Variants in ANK3 observed in about 807,000 individuals in gnomAD.
ANK3 encodes ankyrin-3.
A neutral mutation model predicts 370.9 loss-of-function variants in ANK3; 57 were observed. The ratio of observed to expected loss-of-function variants is 0.15; its 90% CI spans 0.12 to 0.19. The LOEUF (loss-of-function observed/expected upper bound fraction) is 0.19, where lower values mean the gene tolerates loss of function less well. Ranked by LOEUF, ANK3 falls within the 10% of genes least tolerant of loss-of-function variation. The pLI, the probability that ANK3 is intolerant of heterozygous loss-of-function variation, is 1.00. For synonymous variants in ANK3, 1,929 were observed against 1,946.3 expected, an observed-to-expected ratio of 0.99 and a Z score of 0.23; for missense variants, 4,439 against 5,302.1, an observed-to-expected ratio of 0.84 and a Z score of 5.06.
chr10:60,394,945 A>C (rs2063185557), intron 2 of ANK3, among the ~76,000 whole-genome samples: 1 of 152,212 alleles, frequency 6.6e-6, no homozygotes, highest in South Asian at 2.1e-4. Context: ...AGCAGAGTTT[A>C]TATATAATCT....
At chr10:60,524,173 G>GA (rs527829427) in intron 2 of ANK3, among the ~76,000 whole-genome samples, 63 of 152,174 alleles carry the variant, frequency 4.1e-4, no homozygotes, top group African/African-American at 1.5e-3. Flanking sequence ...CTGATAATAA[G>GA]AATCTCCTGG....
intron 1 of ANK3, among the ~76,000 whole-genome samples, chr10:60,715,049 G>T (rs1341633621): frequency 6.6e-6 from 1 of 152,094 alleles, no homozygotes; most frequent in African/African-American, 2.4e-5. Flanking sequence ...TACCCAAGGT[G>T]TTATTAACAG....
intron 1 of ANK3, among the ~76,000 whole-genome samples, chr10:60,352,752 G>A (rs570780613): frequency 1.2e-4 from 19 of 152,254 alleles, no homozygotes; most frequent in African/African-American, 4.6e-4. Flanking sequence ...TGTAAGTGTT[G>A]AGCCATTTAC....
At chr10:60,684,808 T>C (rs1414841746) in intron 1 of ANK3, 13 of 1,536,208 alleles carry the variant, frequency 8.5e-6, no homozygotes, top group Admixed American at 1.7e-5. Flanking sequence ...TCTTATGGAC[T>C]CTGTTGATAT....
intron 7 of ANK3, among the ~76,000 whole-genome samples, chr10:60,252,402 A>C (rs2097682523): frequency 6.6e-6 from 1 of 152,168 alleles, no homozygotes; most frequent in Non-Finnish European, 1.5e-5. Flanking sequence ...ATTTTCACTG[A>C]ATGGGGGAAA....
At chr10:60,498,551 G>T (rs998741124) in intron 2 of ANK3, among the ~76,000 whole-genome samples, 4 of 152,070 alleles carry the variant, frequency 2.6e-5, no homozygotes, top group Non-Finnish European at 5.9e-5. Flanking sequence ...ACCATACCTG[G>T]CTAATTATTT....
At chr10:60,461,021 T>G (rs2064870487) in intron 2 of ANK3, among the ~76,000 whole-genome samples, 2 of 152,194 alleles carry the variant, frequency 1.3e-5, no homozygotes, top group African/African-American at 4.8e-5. Context: ...GAAGCAGGGA[T>G]GCAATTTAAG....
Position 60,074,822 on chromosome 10 carries a change from G to A in ANK3, c.6059C>T (p.Ala2020Val). The change falls in exon 37 of 44, where the codon GCA (alanine) becomes GTA (valine). Residue 2020 changes from alanine (A) to valine (V), a missense_variant. This residue lies in a region of ANK3 where 679 missense variants were observed against 791.0 expected (regional missense o/e 0.86). Coordinates refer to ENST00000280772, the MANE Select transcript of ANK3 (RefSeq NM_020987.5). ...PSLPERVQVK[A>V]KAASEKDYNL... Reference sequence around the variant, plus strand: ...ATAATCCTTTTCGGAGGCGGCTTTTGCTTTTACTTGCACTCTCTCTGGCAG... The same window carrying A: ...ATAATCCTTTTCGGAGGCGGCTTTTACTTTTACTTGCACTCTCTCTGGCAG... 6.2e-7 allele frequency: 1 copy of A among 1,613,788 alleles called. No homozygotes were observed. Among genetic ancestry groups the A allele is most frequent in the East Asian group, 2.2e-5 (1 of 44,880 alleles).
intron 23 of ANK3, chr10:60,144,252 C>T: frequency 2.3e-6 from 1 of 429,108 alleles, no homozygotes; most frequent in East Asian, 7.6e-5. Flanking sequence ...TGACAAGGTC[C>T]AAAGGTAAAC....
chr10:60,082,320 C>CA lies in ANK3; in HGVS notation c.4324-145dup, dbSNP rs1243376597. 30 of 802,734 alleles carry CA rather than the reference C, an allele frequency of 3.7e-5. No homozygotes were observed. The East Asian group carries it at 7.8e-4, about 21-fold the overall frequency. The allele number at this position is 802,734 out of a possible 1,614,324, so 49.7% of individuals were successfully genotyped here. A position where few individuals can be genotyped will look rare whatever the true frequency, so the allele number is the denominator to read the frequency against. On this transcript the variant is annotated intron_variant, in intron 34 of 43. Transcript: ENST00000280772. ...CAAAGCAAATTTTAAAAAAAGCCAACAAAAAATATCAAGAACTGTACATCC... is the reference window on the plus strand; with the variant it reads ...CAAAGCAAATTTTAAAAAAAGCCAACAAAAAAATATCAAGAACTGTACATCC...
intron 2 of ANK3, among the ~76,000 whole-genome samples, chr10:60,417,359 A>C (rs750116395): frequency 2.0e-5 from 3 of 152,210 alleles, no homozygotes; most frequent in Non-Finnish European, 4.4e-5. Context: ...AGAAAAAGTT[A>C]TAAACCTGGC....
intron 7 of ANK3, among the ~76,000 whole-genome samples, chr10:60,256,360 T>C (rs776756614): frequency 7.2e-5 from 11 of 152,216 alleles, no homozygotes; most frequent in Non-Finnish European, 1.0e-4. Flanking sequence ...TCTATAAATA[T>C]TGCTAAATTG....
chr10:60,053,144 C>G (rs1449488649), intron 42 of ANK3, among the ~76,000 whole-genome samples: 1 of 152,054 alleles, frequency 6.6e-6, no homozygotes, highest in East Asian at 1.9e-4. Context: ...ATTTAGGAGA[C>G]TTAGAATGAT....
At chr10:60,068,426 G>A (rs752079773) in intron 37 of ANK3, among the ~76,000 whole-genome samples, 14 of 152,174 alleles carry the variant, frequency 9.2e-5, no homozygotes, top group African/African-American at 1.4e-4. Flanking sequence ...GCTGTCTACC[G>A]TGTAGTTTGA....
At position 60,059,333 on chromosome 10, in the gene ANK3, G is replaced by C. The variant is rs2079873973; in HGVS notation, c.12686+7C>G. On this transcript the variant is annotated splice_region_variant and intron_variant, in intron 41 of 43. Coordinates refer to ENST00000280772, the MANE Select transcript of ANK3 (RefSeq NM_020987.5). The stretch of plus-strand genomic sequence containing the variant: ...TGTTCACTTTCCTTTTTTTGAAACA[G>C]CCATACCTGTCATCCAGTCGATCTA... 1.2e-6 allele frequency: 2 copies of C among 1,612,284 alleles called. No homozygotes were observed. The highest frequency in any genetic ancestry group is 8.5e-7 in the Non-Finnish European group (1 of 1,178,620).
At chr10:60,407,049 A>T (rs1411063297) in intron 2 of ANK3, among the ~76,000 whole-genome samples, 2 of 152,212 alleles carry the variant, frequency 1.3e-5, no homozygotes, top group African/African-American at 4.8e-5. Context: ...TTTCTAGGCA[A>T]ACTTTCAGAT....
chr10:60,512,860 T>C (rs950378745), intron 2 of ANK3, among the ~76,000 whole-genome samples: 3 of 152,088 alleles, frequency 2.0e-5, no homozygotes, highest in African/African-American at 7.2e-5. Context: ...TGGTGGCCTC[T>C]ATTTCAGGAG....
chr10:60,579,278 T>C (rs1026580744), intron 2 of ANK3, among the ~76,000 whole-genome samples: 1 of 145,298 alleles, frequency 6.9e-6, no homozygotes, highest in Non-Finnish European at 1.5e-5. Flanking sequence ...TGAGCTGAGA[T>C]TGTGCCACTG....
intron 2 of ANK3, among the ~76,000 whole-genome samples, chr10:60,597,857 G>A (rs951195701): frequency 6.6e-5 from 10 of 152,146 alleles, no homozygotes; most frequent in African/African-American, 2.2e-4. Flanking sequence ...ATTCTTATAA[G>A]GACTGAAGCA....
Sources: allele counts gnomAD v4.1 joint callset (sites outside exome capture counted in the v4.1 genomes callset), GRCh38; gene constraint gnomAD v4.1.1; regional missense constraint gnomAD v4.1.1; transcripts MANE v1.5; gene names NCBI Gene and HGNC (gene_info 2026-07-23, HGNC 2026-07-21).